Variants in POLR3B observed in about 807,000 individuals in gnomAD.
POLR3B encodes RNA polymerase III subunit B.
Under a neutral mutation model 147.4 loss-of-function variants are expected in POLR3B, and 96 were observed. The ratio of observed to expected loss-of-function variants is 0.65; its 90% confidence interval spans 0.55 to 0.77. The LOEUF (loss-of-function observed/expected upper bound fraction) is 0.77. Among genes scored for constraint, POLR3B ranks in the 30% least tolerant of loss-of-function variants. The pLI is 0.00. For missense variants in POLR3B, 1,036 were observed against 1,413.5 expected, an observed-to-expected ratio of 0.73 and a Z score of 4.28; for synonymous variants, 461 against 485.9, an observed-to-expected ratio of 0.95 and a Z score of 0.67.
In POLR3B at chr12:106,498,591, G is replaced by GT. The variant is rs1434796371; in HGVS notation, c.2984+1680dup. Among the ~76,000 whole-genome samples the GT allele has an allele frequency of 2.0e-5, 3 of 148,152 alleles. 1 individual carries two copies. In the South Asian group the frequency reaches 6.4e-4, roughly 32 times the overall value. On this transcript the variant is annotated intron_variant, in intron 25 of 27. Transcript: ENST00000228347. ...TTGTTTTTTGGGGTTTGTTTTTTTT[G>GT]TTTTTTTGAGACAGAGCTTCGCTCT...
intron 18 of POLR3B, among the ~76,000 whole-genome samples, chr12:106,438,968 G>T (rs1003383374): frequency 3.9e-5 from 6 of 152,178 alleles, no homozygotes; most frequent in Non-Finnish European, 8.8e-5. Flanking sequence ...GTAACTTGCT[G>T]TCTGATGCAT....
intron 23 of POLR3B, among the ~76,000 whole-genome samples, chr12:106,465,358 A>G (rs1230264304): frequency 6.6e-6 from 1 of 152,228 alleles, no homozygotes; most frequent in Non-Finnish European, 1.5e-5. Flanking sequence ...TCAGTTTACA[A>G]GACTAAGGTA....
intron 12 of POLR3B, among the ~76,000 whole-genome samples, chr12:106,424,932 C>T (rs2037417151): frequency 6.6e-6 from 1 of 152,108 alleles, no homozygotes; most frequent in Non-Finnish European, 1.5e-5. Flanking sequence ...CAGTAATTTT[C>T]AGTTGCTTTG....
chr12:106,409,863 A>G (rs2037202426), intron 11 of POLR3B, among the ~76,000 whole-genome samples: 1 of 152,120 alleles, frequency 6.6e-6, no homozygotes, highest in African/African-American at 2.4e-5. Context: ...ACATTCTCAA[A>G]ATTTGTCTTT....
At chr12:106,446,230 C>G in intron 19 of POLR3B, 1 of 455,762 alleles carries the variant, frequency 2.2e-6, no homozygotes, top group South Asian at 1.6e-5. Flanking sequence ...AACAATACAC[C>G]TTTTGTGTAG....
intron 6 of POLR3B, among the ~76,000 whole-genome samples, chr12:106,373,170 A>G (rs1001565522): frequency 2.6e-5 from 4 of 152,200 alleles, no homozygotes; most frequent in Non-Finnish European, 4.4e-5. Context: ...TGTTCTATCA[A>G]TTACTACAAT....
At chr12:106,469,962 T>A (rs746405544) in intron 23 of POLR3B, among the ~76,000 whole-genome samples, 30 of 152,274 alleles carry the variant, frequency 2.0e-4, no homozygotes, top group Middle Eastern at 3.4e-3. Flanking sequence ...ATCTTTGTGG[T>A]GTTCTCTGTA....
chr12:106,502,300 G>A (rs1030042960), intron 26 of POLR3B, among the ~76,000 whole-genome samples: 4 of 152,086 alleles, frequency 2.6e-5, no homozygotes, highest in Non-Finnish European at 4.4e-5. Flanking sequence ...AGGGAACCCA[G>A]GCCTTGGAGT....
At chr12:106,443,215 C>G (rs1219222784) in intron 18 of POLR3B, among the ~76,000 whole-genome samples, 1 of 152,074 alleles carries the variant, frequency 6.6e-6, no homozygotes, top group Non-Finnish European at 1.5e-5. Context: ...TCCTCAAAAT[C>G]TGGTGTGTGC....
chr12:106,495,447 A>T (rs1012102884), intron 23 of POLR3B, among the ~76,000 whole-genome samples: 13 of 152,204 alleles, frequency 8.5e-5, no homozygotes, highest in Admixed American at 2.6e-4. Flanking sequence ...TATAGGAATT[A>T]AAATTCCTTT....
At chr12:106,459,166 G>C in intron 21 of POLR3B, 85 bp from the exon 22 acceptor site, 1 of 811,778 alleles carries the variant, frequency 1.2e-6, no homozygotes, top group Non-Finnish European at 2.2e-6. Context: ...TGGGACTGCA[G>C]GCCTGTGCAT....
chr12:106,367,686 A>G (rs1426953222), intron 4 of POLR3B, among the ~76,000 whole-genome samples: 1 of 152,202 alleles, frequency 6.6e-6, no homozygotes, highest in African/African-American at 2.4e-5. Context: ...ACAGATGCCA[A>G]TATATTTTAT....
chr12:106,363,931 GT>G, intron 2 of POLR3B, 29 bp downstream of exon 2: 1 of 1,525,756 alleles, frequency 6.6e-7, no homozygotes, highest in Non-Finnish European at 9.0e-7. Flanking sequence ...ATAATAATTG[GT>G]TATTTTTCAG....
chr12:106,420,847 A>G (rs2037364907), intron 12 of POLR3B, among the ~76,000 whole-genome samples: 1 of 152,206 alleles, frequency 6.6e-6, no homozygotes, highest in African/African-American at 2.4e-5. Flanking sequence ...CTCAACAACT[A>G]GACTATTACC....
At chr12:106,495,795 G>T (rs925390172) in intron 23 of POLR3B, among the ~76,000 whole-genome samples, 2 of 152,218 alleles carry the variant, frequency 1.3e-5, no homozygotes, top group African/African-American at 4.8e-5. Context: ...AGGAGGGTGG[G>T]CAGGCAGCCC....
chr12:106,509,763 C>G lies in POLR3B; in HGVS notation c.*214C>G. The G allele has an allele frequency of 2.0e-6, 1 of 487,874 alleles. No homozygotes were observed. The highest frequency in any genetic ancestry group is 3.8e-6 in the Non-Finnish European group (1 of 266,464). 30.2% of individuals were successfully genotyped at this position (487,874 alleles called of 1,614,324 possible). A position where few individuals can be genotyped will look rare whatever the true frequency, so the allele number is the denominator to read the frequency against. On this transcript the variant is annotated 3_prime_UTR_variant, in exon 28 of 28. Transcript: ENST00000228347. ...CTCGAGCCATGGGAGAGATGCTGAC[C>G]ATGTGGACTGCAAGGCTGCTTGATT... is the stretch of plus-strand genomic sequence containing the variant.
intron 2 of POLR3B, among the ~76,000 whole-genome samples, chr12:106,365,388 T>G (rs1592999224): frequency 6.6e-6 from 1 of 152,128 alleles, no homozygotes; most frequent in East Asian, 1.9e-4. Context: ...GTCAAGAAGT[T>G]TCTTTTTCCC....
rs965045369 is a variant in POLR3B at position 106,506,157 on chromosome 12, T to C, written c.3272+1903T>C. 1.2e-4 allele frequency among the ~76,000 whole-genome samples: 18 copies of C among 152,282 alleles called. No homozygotes were observed. The Middle Eastern group carries it at 0.017, about 144-fold the overall frequency. On this transcript the variant is annotated intron_variant, in intron 27 of 27. Coordinates refer to ENST00000228347, the MANE Select transcript of POLR3B (RefSeq NM_018082.6). Reference sequence around the variant, plus strand: ...ATGTCTATTTGTCTTTTGAAATGCATATTGAGCTTGCTTTTTATAGTCTGG... The same window carrying C: ...ATGTCTATTTGTCTTTTGAAATGCACATTGAGCTTGCTTTTTATAGTCTGG...
At chr12:106,467,026 T>C (rs923607397) in intron 23 of POLR3B, among the ~76,000 whole-genome samples, 1 of 152,242 alleles carries the variant, frequency 6.6e-6, no homozygotes, top group African/African-American at 2.4e-5. Context: ...GCATTGAATC[T>C]ATAAATTACT....
Sources: gnomAD v4.1 joint callset for allele counts (sites outside exome capture counted in the v4.1 genomes callset) on GRCh38, gnomAD v4.1.1 for gene constraint, MANE v1.5 for transcripts, NCBI Gene and HGNC (gene_info 2026-07-23, HGNC 2026-07-21) for gene names.